RAD51AP1: variants seen among roughly 807,000 people sequenced by gnomAD.
RAD51AP1 encodes RAD51-associated protein 1.
RAD51AP1 carries 14 observed loss-of-function variants against 34.3 expected under a neutral mutation model. The observed-to-expected ratio is 0.41, with a 90% confidence interval of 0.27 to 0.64. The LOEUF is 0.64. Among genes scored for constraint, RAD51AP1 ranks in the 30% least tolerant of loss-of-function variants. The probability of loss-of-function intolerance (pLI) is 0.33; values close to 1 mark genes in which losing one functional copy is unlikely to be tolerated. For synonymous variants in RAD51AP1, 114 were observed against 129.8 expected, an observed-to-expected ratio of 0.88 and a Z score of 0.83; for missense variants, 348 against 386.9, an observed-to-expected ratio of 0.90 and a Z score of 0.84.
rs775432688 is a variant in RAD51AP1, at chr12:4,556,335, G to A, written c.722-18G>A. The A allele has an allele frequency of 3.8e-6, 6 of 1,584,872 alleles. No homozygotes were observed. The highest frequency in any genetic ancestry group is 1.7e-5 in the Admixed American group (1 of 57,708). ...CTTCCTGCATGACAAACATTTTTAC[G>A]TATATTTTTCAAATAAGTGACTTCG... On this transcript the variant is annotated intron_variant, in intron 7 of 8. Coordinates refer to ENST00000352618, the MANE Select transcript of RAD51AP1 (RefSeq NM_006479.5).
intron 3 of RAD51AP1, among the ~76,000 whole-genome samples, chr12:4,545,057 T>C (rs1944496074): frequency 6.6e-6 from 1 of 152,110 alleles, no homozygotes. Flanking sequence ...TATGTATGTA[T>C]CCAAGAGAAA....
At chr12:4,553,599 A>G (rs757351506) in intron 7 of RAD51AP1, among the ~76,000 whole-genome samples, 1 of 149,864 alleles carries the variant, frequency 6.7e-6, no homozygotes, top group Non-Finnish European at 1.5e-5. Context: ...TGCTTTACTT[A>G]GTCTGATTTG....
intron 2 of RAD51AP1, among the ~76,000 whole-genome samples, chr12:4,542,817 C>T (rs1944477457): frequency 6.6e-6 from 1 of 152,066 alleles, no homozygotes; most frequent in African/African-American, 2.4e-5. Context: ...AAGAGTAGAA[C>T]TACAACAGTT....
At chr12:4,555,848 T>G (rs1944578220) in intron 7 of RAD51AP1, among the ~76,000 whole-genome samples, 1 of 152,202 alleles carries the variant, frequency 6.6e-6, no homozygotes. Flanking sequence ...ACACTGCATT[T>G]TACACATCTT....
At chr12:4,557,928 C>G (rs904046906) in intron 8 of RAD51AP1, among the ~76,000 whole-genome samples, 2 of 151,874 alleles carry the variant, frequency 1.3e-5, no homozygotes, top group Non-Finnish European at 2.9e-5. Flanking sequence ...CAAGAGAAGC[C>G]AGAAATCCAG....
At chr12:4,550,323 G>A (rs1944537191) in intron 6 of RAD51AP1, among the ~76,000 whole-genome samples, 1 of 152,242 alleles carries the variant, frequency 6.6e-6, no homozygotes, top group Non-Finnish European at 1.5e-5. Context: ...AGACTTCTAA[G>A]TTACTGAACA....
Position 4,558,969 on chromosome 12 carries a change from G to C in RAD51AP1, c.984G>C (p.Leu328Phe). The part of the protein sequence containing the change: ...GLSRLARVKP[L>F]HPNATST ...CCAGATTAGCACGAGTTAAACCTTT[G>C]CATCCAAATGCCACTAGCACCTGAG... The change falls in exon 9 of 9, where the codon TTG becomes TTC. Residue 328 changes from leucine (L) to phenylalanine (F), a missense_variant. Coordinates refer to ENST00000352618, the MANE Select transcript of RAD51AP1 (RefSeq NM_006479.5). 6.2e-7 allele frequency: 1 copy of C among 1,614,094 alleles called. No homozygotes were observed. Among genetic ancestry groups the C allele is most frequent in the Non-Finnish European group, 8.5e-7 (1 of 1,179,984 alleles).
rs1394336772 is a variant in RAD51AP1 at position 4,556,363 on chromosome 12, G to A, written c.732G>A (p.Val244=). The A allele has an allele frequency of 6.2e-7, 1 of 1,612,146 alleles. No homozygotes were observed. Among genetic ancestry groups the A allele is most frequent in the African/African-American group, 1.3e-5 (1 of 74,788 alleles). The change falls in exon 8 of 9, where the codon GTG becomes GTA. Residue 244 remains valine, a synonymous_variant. Coordinates refer to ENST00000352618, the MANE Select transcript of RAD51AP1 (RefSeq NM_006479.5). ...TATTTTTCAAATAAGTGACTTCGGT[G>A]GACTCTGCTCCAGCTGCCGTCAAAT... The part of the protein sequence containing the change: ...KSKCNALVTS[V]DSAPAAVKSE...
At chr12:4,548,572 G>A in intron 5 of RAD51AP1, 115 bp from the exon 6 acceptor site, 2 of 1,233,858 alleles carry the variant, frequency 1.6e-6, no homozygotes, top group East Asian at 4.8e-5. Flanking sequence ...TGGAAGCATG[G>A]GAGGGATGAA....
chr12:4,551,614 CAAGG>C (rs1185576695), intron 6 of RAD51AP1, among the ~76,000 whole-genome samples: 2 of 151,698 alleles, frequency 1.3e-5, no homozygotes, highest in Non-Finnish European at 2.9e-5. Context: ...AAGTCAGACA[CAAGG>C]GAGGACAGGG....
At position 4,539,108 on chromosome 12, in the gene RAD51AP1, C is replaced by A. The variant is rs959465592; in HGVS notation, c.17+152C>A. 3.7e-6 allele frequency: 3 copies of A among 801,652 alleles called. No homozygotes were observed. The African/African-American group carries it at 5.2e-5, about 14-fold the overall frequency. 49.7% of individuals were successfully genotyped at this position (801,652 alleles called of 1,614,324 possible). On this transcript the variant is annotated intron_variant, in intron 1 of 8. Transcript: ENST00000352618. ...AACCCAGTCTCCAGTGAGAGCCACC[C>A]GTTGCTCAGAAGTATCCTAGCATCG...
At position 4,541,889 on chromosome 12, in the gene RAD51AP1, A is replaced by C. The variant is rs780446513; in HGVS notation, c.23A>C (p.Lys8Thr). The change falls in exon 2 of 9, where the codon AAG becomes ACG. Residue 8 changes from lysine (K) to threonine (T), a missense_variant. By Grantham distance (78) the Lys-to-Thr change is moderately conservative. Coordinates refer to ENST00000352618, the MANE Select transcript of RAD51AP1 (RefSeq NM_006479.5). The stretch of plus-strand genomic sequence containing the variant: ...AAATTCTGTTTTGGTCATAGACATA[A>C]GAAACCAGTCAATTACTCACAGTTT... Reference protein sequence around the residue: MVRPVRHKKPVNYSQFDH... With the variant: MVRPVRHTKPVNYSQFDH... 8 of 1,510,992 alleles carry C rather than the reference A, an allele frequency of 5.3e-6. No individual in the cohort carries two copies. The highest frequency in any genetic ancestry group is 7.1e-6 in the Non-Finnish European group (8 of 1,124,620). 93.6% of individuals were successfully genotyped at this position (1,510,992 alleles called of 1,614,324 possible).
At chr12:4,557,154 G>A (rs968544632) in intron 8 of RAD51AP1, among the ~76,000 whole-genome samples, 1 of 152,170 alleles carries the variant, frequency 6.6e-6, no homozygotes, top group Non-Finnish European at 1.5e-5. Flanking sequence ...GTCCACTTCA[G>A]TGAAATTGAA....
At position 4,543,896 on chromosome 12, in the gene RAD51AP1, TA is replaced by T. The variant is rs745353960; in HGVS notation, c.208del (p.Arg70GlyfsTer4). 7 of 1,604,730 alleles carry T rather than the reference TA, an allele frequency of 4.4e-6. No homozygotes were observed. Among genetic ancestry groups the T allele is most frequent in the Admixed American group, 3.5e-5 (2 of 57,954 alleles). On this transcript the variant is annotated frameshift_variant, in exon 3 of 9. Transcript: ENST00000352618. LOFTEE classifies it high-confidence loss of function. Reference sequence around the variant, plus strand: ...AAATCCCAGTACAAGAGAAAACCCCTAAAAAAAGGTGAGAGGTAAGACATGC... The same window carrying T: ...AAATCCCAGTACAAGAGAAAACCCCTAAAAAAGGTGAGAGGTAAGACATGC... ...EEIPVQEKTP[K>X]KRMALDDKLY...
chr12:4,548,580 G>A, intron 5 of RAD51AP1, 107 bp from the exon 6 acceptor site: 1 of 1,324,536 alleles, frequency 7.5e-7, no homozygotes, highest in Admixed American at 2.1e-5. Context: ...TGGGAGGGAT[G>A]AACCTGGGCA....
rs780886698 is a variant in RAD51AP1 at position 4,559,168 on chromosome 12, T to C, written c.*175T>C. The C allele has an allele frequency of 2.1e-5, 14 of 663,574 alleles. No individual in the cohort carries two copies. The highest frequency in any genetic ancestry group is 5.5e-5 in the African/African-American group (3 of 54,284). The allele number at this position is 663,574 out of a possible 1,614,324, so 41.1% of individuals were successfully genotyped here. ...TGTTCTCTGTAAAACTCTTCAAGAC[T>C]TCAATGAGAAGTTTGTTTATAAGAA... On this transcript the variant is annotated 3_prime_UTR_variant, in exon 9 of 9. Coordinates refer to ENST00000352618, the MANE Select transcript of RAD51AP1 (RefSeq NM_006479.5).
chr12:4,557,668 AG>A (rs1421595018), intron 8 of RAD51AP1, among the ~76,000 whole-genome samples: 5 of 152,234 alleles, frequency 3.3e-5, no homozygotes, highest in African/African-American at 1.2e-4. Flanking sequence ...AAAAAATACA[AG>A]GAAACAGTGG....
intron 4 of RAD51AP1, among the ~76,000 whole-genome samples, chr12:4,546,970 G>T (rs777299934): frequency 3.3e-5 from 5 of 152,048 alleles, no homozygotes; most frequent in African/African-American, 1.2e-4. Flanking sequence ...ATGCTTTTTG[G>T]CTTAAAGTTT....
At chr12:4,558,419 A>C (rs887440939) in intron 8 of RAD51AP1, among the ~76,000 whole-genome samples, 3 of 152,202 alleles carry the variant, frequency 2.0e-5, no homozygotes, top group African/African-American at 7.2e-5. Context: ...GTATAATGAA[A>C]CTAGTATAAA....
Sources: allele counts gnomAD v4.1 joint callset (sites outside exome capture counted in the v4.1 genomes callset), GRCh38; gene constraint gnomAD v4.1.1; transcripts MANE v1.5; gene names NCBI Gene and HGNC (gene_info 2026-07-23, HGNC 2026-07-21).